The following CHSY3 variants were observed in gnomAD, a reference collection of about 807,000 sequenced individuals.
The protein encoded by CHSY3 is N-acetylgalactosaminyl-proteoglycan 3-beta-glucuronosyltransferase 3.
A neutral mutation model predicts 67.2 loss-of-function variants in CHSY3; 35 were observed. The observed-to-expected ratio is 0.52, with a 90% CI of 0.40 to 0.69. The LOEUF (loss-of-function observed/expected upper bound fraction) is 0.69, where lower values mean the gene tolerates loss of function less well. Among genes scored for constraint, CHSY3 ranks in the 30% least tolerant of loss-of-function variants. CHSY3 has a pLI of 0.00. For missense variants in CHSY3, 1,069 were observed against 1,138.5 expected (o/e 0.94, Z 0.88); for synonymous variants, 474 against 434.7 (o/e 1.09, Z -1.12).
chr5:129,918,005 T>G (rs1161782061), intron 2 of CHSY3, among the ~76,000 whole-genome samples: 1 of 152,204 alleles, frequency 6.6e-6, no homozygotes, highest in African/African-American at 2.4e-5. Context: ...TTGTTAAAAG[T>G]TAGTTTTGCT....
At chr5:130,014,470 A>C (rs1764155407) in intron 2 of CHSY3, among the ~76,000 whole-genome samples, 1 of 152,224 alleles carries the variant, frequency 6.6e-6, no homozygotes, top group South Asian at 2.1e-4. Flanking sequence ...TTCACAGGAC[A>C]GCAGGAGAGA....
chr5:130,097,385 G>A (rs1767084687), intron 2 of CHSY3, among the ~76,000 whole-genome samples: 2 of 152,214 alleles, frequency 1.3e-5, no homozygotes, highest in African/African-American at 4.8e-5. Flanking sequence ...CCTCAGGGAA[G>A]AGCAGTTCAA....
At chr5:130,001,449 G>A in intron 2 of CHSY3, 1 of 881,320 alleles carries the variant, frequency 1.1e-6, no homozygotes, top group Non-Finnish European at 1.4e-6. Context: ...TATCACCATG[G>A]ACACAGTAGG....
chr5:130,168,113 C>A (rs990335953), intron 2 of CHSY3, among the ~76,000 whole-genome samples: 1 of 152,088 alleles, frequency 6.6e-6, no homozygotes, highest in African/African-American at 2.4e-5. Flanking sequence ...CTAACTCCAC[C>A]ACTTTAAAAT....
At chr5:129,992,342 A>G (rs965125691) in intron 2 of CHSY3, among the ~76,000 whole-genome samples, 6 of 152,214 alleles carry the variant, frequency 3.9e-5, no homozygotes, top group African/African-American at 1.4e-4. Flanking sequence ...TTTGGAAGGA[A>G]TGAGTATGTC....
At chr5:129,995,554 G>A (rs1184241207) in intron 2 of CHSY3, among the ~76,000 whole-genome samples, 1 of 150,690 alleles carries the variant, frequency 6.6e-6, no homozygotes, top group Non-Finnish European at 1.5e-5. Flanking sequence ...TGTTGCCCAG[G>A]CTGGAGTGCA....
rs373840029 is a variant in CHSY3, at chr5:130,151,359, ATAGT to A, written c.1087-32865_1087-32862del. Reference sequence around the variant, plus strand: ...CTTGACACAAGTCCTTTGCCTTCTGATAGTTAGTGTGGGATAGAAGATCCAATGA... The same window carrying A: ...CTTGACACAAGTCCTTTGCCTTCTGATAGTGTGGGATAGAAGATCCAATGA... On this transcript the variant is annotated intron_variant, in intron 2 of 2. Transcript: ENST00000305031. Among the ~76,000 whole-genome samples, 376 of 152,314 alleles carry A rather than the reference ATAGT, an allele frequency of 2.5e-3. 2 individuals carry two copies. The highest frequency in any genetic ancestry group is 7.5e-3 in the African/African-American group (311 of 41,564).
At chr5:130,180,863 A>G (rs1283953014) in intron 2 of CHSY3, among the ~76,000 whole-genome samples, 1 of 152,224 alleles carries the variant, frequency 6.6e-6, no homozygotes, top group African/African-American at 2.4e-5. Flanking sequence ...AAAACAAAAA[A>G]CAAAAAAGTT....
At chr5:129,943,306 A>G (rs960606872) in intron 2 of CHSY3, among the ~76,000 whole-genome samples, 1 of 152,178 alleles carries the variant, frequency 6.6e-6, no homozygotes, top group Non-Finnish European at 1.5e-5. Context: ...GGAGGAATTG[A>G]TTTATCAAAT....
intron 2 of CHSY3, among the ~76,000 whole-genome samples, chr5:130,050,820 A>T (rs916736296): frequency 6.6e-5 from 10 of 152,124 alleles, no homozygotes; most frequent in African/African-American, 1.7e-4. Flanking sequence ...ACCAGCCAGC[A>T]GAATTGTTAC....
intron 2 of CHSY3, among the ~76,000 whole-genome samples, chr5:130,166,225 T>C (rs1297277925): frequency 6.6e-6 from 1 of 152,162 alleles, no homozygotes; most frequent in Non-Finnish European, 1.5e-5. Flanking sequence ...ATTTTATCTG[T>C]TCAGAGAGAA....
chr5:130,152,763 C>T (rs1387017232), intron 2 of CHSY3, among the ~76,000 whole-genome samples: 2 of 152,116 alleles, frequency 1.3e-5, no homozygotes, highest in Non-Finnish European at 2.9e-5. Context: ...ATTTAATGCC[C>T]TTGGAACATC....
At chr5:130,107,167 C>T (rs1767436357) in intron 2 of CHSY3, among the ~76,000 whole-genome samples, 1 of 151,192 alleles carries the variant, frequency 6.6e-6, no homozygotes, top group Non-Finnish European at 1.5e-5. Flanking sequence ...ATGATTCTTG[C>T]TTGTATAATT....
chr5:130,123,879 A>T (rs891664643), intron 2 of CHSY3, among the ~76,000 whole-genome samples: 1 of 151,798 alleles, frequency 6.6e-6, no homozygotes, highest in Admixed American at 6.6e-5. Flanking sequence ...AACTCGGTGA[A>T]ACCCCATCTC....
At chr5:129,938,295 G>A (rs1554071349) in intron 2 of CHSY3, among the ~76,000 whole-genome samples, 1 of 152,212 alleles carries the variant, frequency 6.6e-6, no homozygotes, top group Non-Finnish European at 1.5e-5. Flanking sequence ...CCTGTGATGG[G>A]AGGGGCTGCT....
intron 2 of CHSY3, among the ~76,000 whole-genome samples, chr5:129,968,740 G>A (rs1213925521): frequency 1.3e-5 from 2 of 151,848 alleles, no homozygotes; most frequent in Non-Finnish European, 2.9e-5. Context: ...AGATCTCCCA[G>A]CAAACAGGCC....
intron 2 of CHSY3, among the ~76,000 whole-genome samples, chr5:129,945,830 T>G (rs1761838079): frequency 6.6e-6 from 1 of 152,200 alleles, no homozygotes; most frequent in African/African-American, 2.4e-5. Context: ...CATGCGTTAT[T>G]GAACACTAGC....
chr5:129,934,956 T>A (rs1296661268), intron 2 of CHSY3, among the ~76,000 whole-genome samples: 1 of 152,116 alleles, frequency 6.6e-6, no homozygotes, highest in African/African-American at 2.4e-5. Context: ...AACTCTACAC[T>A]CACATTAAAT....
chr5:130,182,949 G>A (rs1434507308), intron 2 of CHSY3, among the ~76,000 whole-genome samples: 1 of 145,072 alleles, frequency 6.9e-6, no homozygotes, highest in Non-Finnish European at 1.5e-5. Flanking sequence ...TATTAATTGA[G>A]TTTTTTTTTT....
Sources: gnomAD v4.1 joint callset for allele counts (sites outside exome capture counted in the v4.1 genomes callset) on GRCh38, gnomAD v4.1.1 for gene constraint, MANE v1.5 for transcripts, NCBI Gene and HGNC (gene_info 2026-07-23, HGNC 2026-07-21) for gene names.